The following MEOX2 variants were observed in gnomAD, a reference collection of about 807,000 sequenced individuals.
The protein encoded by MEOX2 is mesenchyme homeobox 2.
MEOX2 carries 11 observed loss-of-function variants against 27.0 expected under a neutral mutation model. The ratio of observed to expected loss-of-function variants is 0.41; its 90% confidence interval spans 0.26 to 0.68. The LOEUF is 0.68. Among genes scored for constraint, MEOX2 ranks in the 30% least tolerant of loss-of-function variants. The pLI is 0.33. For synonymous variants in MEOX2, 189 were observed against 155.4 expected (o/e 1.22, Z -1.61); for missense variants, 436 against 385.4 (o/e 1.13, Z -1.10).
intron 1 of MEOX2, among the ~76,000 whole-genome samples, chr7:15,650,997 C>T (rs920770482): frequency 1.3e-5 from 2 of 151,898 alleles, no homozygotes; most frequent in African/African-American, 4.8e-5. Context: ...ATAGAGCATG[C>T]GGAATGTACT....
intron 2 of MEOX2, among the ~76,000 whole-genome samples, chr7:15,615,070 A>C (rs1423166288): frequency 6.6e-6 from 1 of 152,170 alleles, no homozygotes; most frequent in Non-Finnish European, 1.5e-5. Context: ...GATTCACTAA[A>C]AAGTAGTTGA....
At chr7:15,661,048 G>C (rs1341700947) in intron 1 of MEOX2, among the ~76,000 whole-genome samples, 1 of 127,896 alleles carries the variant, frequency 7.8e-6, no homozygotes, top group African/African-American at 2.9e-5. Flanking sequence ...AAAAGAGAAA[G>C]AGAGAGAAAG....
intron 1 of MEOX2, among the ~76,000 whole-genome samples, chr7:15,634,832 A>G (rs1562600268): frequency 6.6e-6 from 1 of 151,972 alleles, no homozygotes; most frequent in African/African-American, 2.4e-5. Context: ...AATTCACCCA[A>G]AATATAACTG....
intron 1 of MEOX2, among the ~76,000 whole-genome samples, chr7:15,671,343 ATCAGAG>A (rs1782093432): frequency 6.6e-6 from 1 of 152,254 alleles, no homozygotes; most frequent in African/African-American, 2.4e-5. Flanking sequence ...TGGAATCAGT[ATCAGAG>A]TCATTGGTAA....
chr7:15,637,520 A>ACACACACACACG lies in MEOX2; in HGVS notation c.518-10614_518-10603dup, dbSNP rs1035402898. Reference sequence around the variant, plus strand: ...CCTAAAATGTAATTTTCCAATACACACACACACACACGCACACACACACGC... The same window carrying ACACACACACACG: ...CCTAAAATGTAATTTTCCAATACACACACACACACACGCACACACACACGCACACACACACGC... On this transcript the variant is annotated intron_variant, in intron 1 of 2. Transcript: ENST00000262041. Among the ~76,000 whole-genome samples the ACACACACACACG allele has an allele frequency of 6.8e-4, 103 of 151,904 alleles. 1 individual carries two copies. Among genetic ancestry groups the ACACACACACACG allele is most frequent in the African/African-American group, 2.2e-3 (93 of 41,474 alleles).
At position 15,676,783 on chromosome 7, in the gene MEOX2, G is replaced by A. The variant is rs545895154; in HGVS notation, c.517+9103C>T. Among the ~76,000 whole-genome samples, 39 of 151,898 alleles carry A rather than the reference G, an allele frequency of 2.6e-4. 1 individual carries two copies. Among genetic ancestry groups the A allele is most frequent in the Non-Finnish European group, 5.3e-4 (36 of 67,964 alleles). ...TGAGGCAGGAGAATCACTTGAACCC[G>A]GACAGCAGAGGTTGCAGTGAGTCAA... is the stretch of plus-strand genomic sequence containing the variant. On this transcript the variant is annotated intron_variant, in intron 1 of 2. Coordinates refer to ENST00000262041, the MANE Select transcript of MEOX2 (RefSeq NM_005924.5).
intron 1 of MEOX2, among the ~76,000 whole-genome samples, chr7:15,685,366 C>A (rs370787204): frequency 2.7e-5 from 4 of 149,972 alleles, no homozygotes; most frequent in Non-Finnish European, 4.5e-5. Context: ...AAAAAAAAAA[C>A]TGAAACTTTT....
chr7:15,666,667 G>C (rs759684949), intron 1 of MEOX2, among the ~76,000 whole-genome samples: 1 of 144,984 alleles, frequency 6.9e-6, no homozygotes, highest in East Asian at 2.1e-4. Flanking sequence ...CAGGAGAATT[G>C]CTTGAACCTG....
chr7:15,643,105 A>G (rs1781588323), intron 1 of MEOX2, among the ~76,000 whole-genome samples: 1 of 152,204 alleles, frequency 6.6e-6, no homozygotes, highest in Non-Finnish European at 1.5e-5. Context: ...AGTAAGAGCC[A>G]GTTGAGTTCC....
Position 15,666,073 on chromosome 7 carries a change from C to A in MEOX2, c.517+19813G>T, listed in dbSNP as rs748893172. ...AATGTAGACTGCAGGAAGGTATTAA[C>A]AGCTCTCAAGATAAAGATGGAAATA... On this transcript the variant is annotated intron_variant, in intron 1 of 2. Transcript: ENST00000262041. Among the ~76,000 whole-genome samples the A allele has an allele frequency of 4.6e-4, 70 of 152,102 alleles. 1 individual carries two copies. Among genetic ancestry groups the A allele is most frequent in the Non-Finnish European group, 1.5e-4 (10 of 68,024 alleles).
At chr7:15,658,040 C>T (rs1427316701) in intron 1 of MEOX2, among the ~76,000 whole-genome samples, 1 of 152,204 alleles carries the variant, frequency 6.6e-6, no homozygotes, top group African/African-American at 2.4e-5. Flanking sequence ...ATAATGCCAC[C>T]TTAGCTGGCA....
chr7:15,630,095 T>G (rs1237204808), intron 1 of MEOX2, among the ~76,000 whole-genome samples: 1 of 152,046 alleles, frequency 6.6e-6, no homozygotes, highest in Non-Finnish European at 1.5e-5. Flanking sequence ...CTACAATTGT[T>G]GTTTTTCGTC....
chr7:15,676,609 A>G (rs974750002), intron 1 of MEOX2, among the ~76,000 whole-genome samples: 1 of 152,120 alleles, frequency 6.6e-6, no homozygotes, highest in South Asian at 2.1e-4. Context: ...GGTGGCTCAC[A>G]CCTGTAATCC....
chr7:15,632,113 G>C (rs762422855), intron 1 of MEOX2, among the ~76,000 whole-genome samples: 3 of 151,770 alleles, frequency 2.0e-5, no homozygotes, highest in Non-Finnish European at 2.9e-5. Flanking sequence ...ACGTTTCCTT[G>C]AAGTAGGTAA....
intron 1 of MEOX2, chr7:15,681,060 T>C (rs1011797730): frequency 6.6e-6 from 1 of 151,698 alleles, no homozygotes; most frequent in South Asian, 2.1e-4. Context: ...TTGGGTGAGA[T>C]AAATAATCCA....
At chr7:15,656,167 C>T (rs912557348) in intron 1 of MEOX2, among the ~76,000 whole-genome samples, 3 of 151,628 alleles carry the variant, frequency 2.0e-5, no homozygotes, top group African/African-American at 7.2e-5. Flanking sequence ...CCCACTCCTT[C>T]CTTCTTTTGA....
chr7:15,665,710 A>C (rs1367235418), intron 1 of MEOX2, among the ~76,000 whole-genome samples: 1 of 152,202 alleles, frequency 6.6e-6, no homozygotes, highest in African/African-American at 2.4e-5. Flanking sequence ...TGTAGTATTC[A>C]TTCAGATCAA....
chr7:15,622,025 G>A (rs943979224), intron 2 of MEOX2, among the ~76,000 whole-genome samples: 8 of 152,138 alleles, frequency 5.3e-5, no homozygotes, highest in African/African-American at 1.9e-4. Context: ...GACTGAGGAA[G>A]AGAATTGCTT....
intron 1 of MEOX2, chr7:15,679,384 A>AATC (rs1314579803): frequency 6.6e-6 from 1 of 152,138 alleles, no homozygotes; most frequent in African/African-American, 2.4e-5. Context: ...AGCAGCTTAT[A>AATC]ATCATAATTT....
Sources: allele counts gnomAD v4.1 joint callset (sites outside exome capture counted in the v4.1 genomes callset), GRCh38; gene constraint gnomAD v4.1.1; transcripts MANE v1.5; gene names NCBI Gene and HGNC (gene_info 2026-07-23, HGNC 2026-07-21).